Variants in PRSS23 observed in about 807,000 individuals in gnomAD.
The protein encoded by PRSS23 is serine protease 23.
In PRSS23, 25 loss-of-function variants were observed where a neutral mutation model predicts 34.7. That is an observed-to-expected ratio of 0.72 (90% CI 0.53 to 1.01). PRSS23 has a LOEUF of 1.01. Among genes scored for constraint, PRSS23 ranks in the 50% least tolerant of loss-of-function variants. The pLI, the probability that PRSS23 is intolerant of heterozygous loss-of-function variation, is 0.00. For missense variants in PRSS23, 445 were observed against 475.6 expected (o/e 0.94, Z 0.60); for synonymous variants, 176 against 186.6 (o/e 0.94, Z 0.46).
upstream of PRSS23, among the ~76,000 whole-genome samples, chr11:86,797,260 G>A (rs747637419): frequency 7.9e-5 from 12 of 152,224 alleles, no homozygotes; most frequent in African/African-American, 1.2e-4. Flanking sequence ...GAAATGGGAC[G>A]AGTACAAAAA....
At position 86,807,747 on chromosome 11, in the gene PRSS23, A is replaced by G; in HGVS notation, c.104A>G (p.Tyr35Cys). 1 of 1,614,032 alleles carries G rather than the reference A, an allele frequency of 6.2e-7. No homozygotes were observed. The highest frequency in any genetic ancestry group is 2.2e-5 in the East Asian group (1 of 44,870). The change falls in exon 2 of 2, where the codon TAC becomes TGC. Residue 35 changes from tyrosine to cysteine, a missense_variant. Coordinates refer to ENST00000280258, the MANE Select transcript of PRSS23 (RefSeq NM_007173.6). ...SAPWKPTWPA[Y>C]RLPVVLPQST... ...CCCTGGAAACCCACTTGGCCTGCAT[A>G]CCGCCTCCCTGTCGTCTTGCCCCAG...
chr11:86,917,559 G>T (rs2135000023), intron 2 of PRSS23, among the ~76,000 whole-genome samples: 1 of 152,264 alleles, frequency 6.6e-6, no homozygotes, highest in Middle Eastern at 3.4e-3. Context: ...TAGCACATTT[G>T]TGTCCTAACT....
At chr11:86,802,618 C>CT (rs1948053126) in intron 1 of PRSS23, among the ~76,000 whole-genome samples, 1 of 152,176 alleles carries the variant, frequency 6.6e-6, no homozygotes, top group South Asian at 2.1e-4. Flanking sequence ...CCTGCCGTTT[C>CT]TTTCTGTCAT....
intron 2 of PRSS23, among the ~76,000 whole-genome samples, chr11:86,908,195 A>G (rs777593679): frequency 1.3e-5 from 2 of 152,162 alleles, no homozygotes; most frequent in East Asian, 1.9e-4. Context: ...CCTGATTTCA[A>G]TTCTTTTTAA....
intron 2 of PRSS23, among the ~76,000 whole-genome samples, chr11:86,834,610 TTCCTA>T (rs1948390252): frequency 7.5e-6 from 1 of 133,564 alleles, no homozygotes; most frequent in Non-Finnish European, 1.6e-5. Flanking sequence ...TTCCTTTCCT[TTCCTA>T]TGACTCCGGC....
At chr11:86,794,929 A>G (rs1385941781) in intron 1 of PRSS23, among the ~76,000 whole-genome samples, 1 of 152,218 alleles carries the variant, frequency 6.6e-6, no homozygotes, top group Non-Finnish European at 1.5e-5. Flanking sequence ...TCAATGAATG[A>G]ACTGATGGTA....
exon 3 of PRSS23, chr11:86,951,972 A>G (rs1000934771): frequency 6.2e-7 from 1 of 1,614,122 alleles, no homozygotes. Context: ...TAAATATTAT[A>G]GCACATACTG....
chr11:86,849,851 C>G (rs969601824), intron 2 of PRSS23, among the ~76,000 whole-genome samples: 1 of 152,124 alleles, frequency 6.6e-6, no homozygotes, highest in African/African-American at 2.4e-5. Context: ...CCTAGTCACC[C>G]TACAAAGCCA....
At chr11:86,886,864 G>T (rs187230557) in intron 2 of PRSS23, among the ~76,000 whole-genome samples, 1 of 152,108 alleles carries the variant, frequency 6.6e-6, no homozygotes, top group African/African-American at 2.4e-5. Flanking sequence ...GCTTGAACCC[G>T]GGAGGCAGAA....
intron 2 of PRSS23, among the ~76,000 whole-genome samples, chr11:86,867,798 G>A (rs949245657): frequency 3.3e-5 from 5 of 150,386 alleles, no homozygotes; most frequent in African/African-American, 1.2e-4. Flanking sequence ...GGTCGCTTGA[G>A]CCCAGGAGGC....
At position 86,869,021 on chromosome 11, in the gene PRSS23, C is replaced by T. The variant is rs541119733; in HGVS notation, c.206+45428C>T. On this transcript the variant is annotated intron_variant, in intron 2 of 2. Transcript: ENST00000533902. ...AGAGATAGAGTTTTGCCATGTTGCC[C>T]GGGCTGCTCTAAAAGTCCTGGAGTC... Among the ~76,000 whole-genome samples, 81 of 152,182 alleles carry T rather than the reference C, an allele frequency of 5.3e-4. 1 individual carries two copies. Among genetic ancestry groups the T allele is most frequent in the African/African-American group, 1.4e-3 (60 of 41,520 alleles).
intron 2 of PRSS23, chr11:86,832,761 C>A (rs1209943641): frequency 4.9e-5 from 14 of 288,452 alleles, no homozygotes; most frequent in Admixed American, 4.2e-4. Flanking sequence ...TACTTCCCAC[C>A]TGATGATGAA....
intron 2 of PRSS23, among the ~76,000 whole-genome samples, chr11:86,823,799 G>T (rs950065845): frequency 6.6e-6 from 1 of 152,002 alleles, no homozygotes. Context: ...GAGGTCAGGA[G>T]ATCGAGACCA....
intron 2 of PRSS23, among the ~76,000 whole-genome samples, chr11:86,860,050 A>C (rs890188022): frequency 6.6e-6 from 1 of 151,894 alleles, no homozygotes; most frequent in African/African-American, 2.4e-5. Flanking sequence ...TATTACTTTC[A>C]ATATCGCATT....
chr11:86,889,660 G>A (rs1001778379), intron 2 of PRSS23, among the ~76,000 whole-genome samples: 4 of 152,168 alleles, frequency 2.6e-5, no homozygotes, highest in Non-Finnish European at 5.9e-5. Context: ...TGTGGATTAT[G>A]GTTCAACATG....
chr11:86,940,890 A>G (rs1814338095), intron 2 of PRSS23: 1 of 152,262 alleles, frequency 6.6e-6, no homozygotes. Context: ...CAGTAGTAAG[A>G]GAAGAAGGTT....
At chr11:86,846,471 A>T (rs1460596750) in intron 2 of PRSS23, among the ~76,000 whole-genome samples, 1 of 152,168 alleles carries the variant, frequency 6.6e-6, no homozygotes. Flanking sequence ...GTTTGGGAGC[A>T]TTGGTTGGCC....
chr11:86,943,401 G>C (rs1949218837), intron 2 of PRSS23, among the ~76,000 whole-genome samples: 1 of 152,184 alleles, frequency 6.6e-6, no homozygotes, highest in Non-Finnish European at 1.5e-5. Flanking sequence ...GAGGCGGGAG[G>C]ATCGCCTGAG....
At chr11:86,895,122 C>T (rs2134977123) in intron 2 of PRSS23, among the ~76,000 whole-genome samples, 1 of 152,226 alleles carries the variant, frequency 6.6e-6, no homozygotes, top group South Asian at 2.1e-4. Context: ...TATACAGTAA[C>T]ATATAAAGAT....
Sources: allele counts gnomAD v4.1 joint callset (sites outside exome capture counted in the v4.1 genomes callset), GRCh38; gene constraint gnomAD v4.1.1; transcripts MANE v1.5; gene names NCBI Gene and HGNC (gene_info 2026-07-23, HGNC 2026-07-21).